Variants in KSR1 observed in about 807,000 individuals in gnomAD.
KSR1 encodes the protein kinase suppressor of ras.
In KSR1, 35 loss-of-function variants were observed where a neutral mutation model predicts 92.9. The observed-to-expected ratio is 0.38, with a 90% CI of 0.29 to 0.50. KSR1 has a LOEUF of 0.50. KSR1 is among the 20% of genes least tolerant of loss of function. The pLI is 0.94. For missense variants in KSR1, 972 were observed against 1,158.5 expected, an observed-to-expected ratio of 0.84 and a Z score of 2.34; for synonymous variants, 467 against 472.6, an observed-to-expected ratio of 0.99 and a Z score of 0.15.
chr17:27,622,881 C>T (rs1463804762), intron 20 of KSR1: 2 of 187,052 alleles, frequency 1.1e-5, no homozygotes, highest in Non-Finnish European at 2.2e-5. Flanking sequence ...TGCATTTCAA[C>T]CTGCTTCCCA....
chr17:27,527,954 C>T lies in KSR1; in HGVS notation c.232-22614C>T, dbSNP rs376685339. 2.6e-5 allele frequency among the ~76,000 whole-genome samples: 4 copies of T among 152,314 alleles called. No homozygotes were observed. The East Asian group carries it at 5.8e-4, about 22-fold the overall frequency. ...GATTATGTGTCTCATAAATGAACAT[C>T]CCTACCTCTTGTGGGTCATCCAGGA... On this transcript the variant is annotated intron_variant, in intron 1 of 20. Transcript: ENST00000644974.
At chr17:27,620,464 A>G (rs2074193296) in intron 19 of KSR1, among the ~76,000 whole-genome samples, 1 of 152,234 alleles carries the variant, frequency 6.6e-6, no homozygotes, top group Non-Finnish European at 1.5e-5. Flanking sequence ...GTACAGTCCC[A>G]GGAACATTAT....
At chr17:27,467,649 G>A (rs2019764264) in intron 1 of KSR1, among the ~76,000 whole-genome samples, 1 of 152,156 alleles carries the variant, frequency 6.6e-6, no homozygotes, top group Admixed American at 6.5e-5. Context: ...GGTCCGTGGT[G>A]GGTCCATCTG....
intron 1 of KSR1, among the ~76,000 whole-genome samples, chr17:27,492,150 T>G (rs1376136877): frequency 6.6e-6 from 1 of 152,044 alleles, no homozygotes; most frequent in East Asian, 1.9e-4. Flanking sequence ...GAGGAGAGTG[T>G]GTGTAGCAGA....
At chr17:27,621,553 T>C (rs1183019761) in intron 20 of KSR1, among the ~76,000 whole-genome samples, 1 of 152,154 alleles carries the variant, frequency 6.6e-6, no homozygotes, top group Non-Finnish European at 1.5e-5. Context: ...ATTCTGGTCA[T>C]TGATTTGAGC....
At chr17:27,497,783 T>C (rs1480290696) in intron 1 of KSR1, among the ~76,000 whole-genome samples, 1 of 152,194 alleles carries the variant, frequency 6.6e-6, no homozygotes, top group African/African-American at 2.4e-5. Flanking sequence ...TGAGAAACCC[T>C]GTTTGGCTGC....
intron 4 of KSR1, chr17:27,584,025 C>A: frequency 1.0e-6 from 1 of 966,980 alleles, no homozygotes; most frequent in Non-Finnish European, 1.2e-6. Flanking sequence ...TTTATCTTGT[C>A]CCTTCTTGAT....
intron 1 of KSR1, among the ~76,000 whole-genome samples, chr17:27,467,828 T>G (rs958471325): frequency 1.3e-5 from 2 of 151,574 alleles, no homozygotes; most frequent in African/African-American, 4.8e-5. Context: ...TTTTTTTTTT[T>G]GAGACGGAGT....
intron 1 of KSR1, among the ~76,000 whole-genome samples, chr17:27,489,932 G>A (rs1225236166): frequency 6.6e-6 from 1 of 152,238 alleles, no homozygotes; most frequent in Non-Finnish European, 1.5e-5. Flanking sequence ...AGAAAGGGCT[G>A]ACCCAGAAGC....
intron 1 of KSR1, among the ~76,000 whole-genome samples, chr17:27,523,247 A>T (rs1233300745): frequency 6.6e-6 from 1 of 152,252 alleles, no homozygotes; most frequent in Non-Finnish European, 1.5e-5. Flanking sequence ...GAAATATATC[A>T]ATAAATGACG....
chr17:27,616,545 C>T (rs1004052496), intron 18 of KSR1, among the ~76,000 whole-genome samples: 7 of 152,232 alleles, frequency 4.6e-5, no homozygotes, highest in African/African-American at 1.7e-4. Context: ...GTATCTTGAT[C>T]TGCTTATCTT....
At chr17:27,597,154 G>A (rs921158921) in intron 9 of KSR1, 114 bp from the exon 10 acceptor site, 4 of 1,186,542 alleles carry the variant, frequency 3.4e-6, no homozygotes, top group Non-Finnish European at 3.6e-6. Context: ...GTCAGACCCT[G>A]AGGATTCCCT....
At chr17:27,558,962 CG>C (rs1401498234) in intron 2 of KSR1, among the ~76,000 whole-genome samples, 1 of 152,106 alleles carries the variant, frequency 6.6e-6, no homozygotes, top group Admixed American at 6.5e-5. Flanking sequence ...GGAAAACATA[CG>C]TGGATCGTTT....
At chr17:27,526,559 G>T in intron 1 of KSR1, 1 of 1,599,854 alleles carries the variant, frequency 6.3e-7, no homozygotes, top group South Asian at 1.1e-5. Context: ...TGGCCACAAT[G>T]CACCTCATTC....
rs548558177 is a variant in KSR1 at position 27,520,876 on chromosome 17, G to A, written c.232-29692G>A. Among the ~76,000 whole-genome samples the A allele has an allele frequency of 6.6e-5, 10 of 152,360 alleles. No homozygotes were observed. The South Asian group carries it at 2.1e-3, about 32-fold the overall frequency. ...CAGGTAGCTGGAGGATGCGGGAGAC[G>A]TGTGATTCCCTGTTTGCCAGTTGGC... On this transcript the variant is annotated intron_variant, in intron 1 of 20. Coordinates refer to ENST00000644974, the MANE Select transcript of KSR1 (RefSeq NM_001394583.1).
intron 1 of KSR1, among the ~76,000 whole-genome samples, chr17:27,513,427 TA>T (rs538338466): frequency 0.015 from 2,138 of 146,834 alleles, 43 homozygotes; most frequent in African/African-American, 0.048. Flanking sequence ...TCCTTCTCTA[TA>T]AAAAAAAAAA....
At chr17:27,584,746 A>G (rs1411048262) in intron 4 of KSR1, among the ~76,000 whole-genome samples, 2 of 152,200 alleles carry the variant, frequency 1.3e-5, no homozygotes, top group Admixed American at 6.5e-5. Flanking sequence ...CGTGACGCTC[A>G]GGCCACCTCG....
chr17:27,594,424 G>A (rs1277142059), intron 9 of KSR1, among the ~76,000 whole-genome samples: 1 of 151,886 alleles, frequency 6.6e-6, no homozygotes, highest in African/African-American at 2.4e-5. Flanking sequence ...TGTGGGTCCT[G>A]CACGACCACC....
rs1440593532 is a variant in KSR1 at position 27,577,888 on chromosome 17, TGCTGG to T, written c.520+260_520+264del. On this transcript the variant is annotated intron_variant, in intron 3 of 20. Coordinates refer to ENST00000644974, the MANE Select transcript of KSR1 (RefSeq NM_001394583.1). This position sits in a 1 kb window ranked among gnomAD's most constrained non-coding sequence, Gnocchi z 4.5. ...CATGGTTAGAAATCCCAGGCCTGTC[TGCTGG>T]GCTGGGCTGGCCTGGCATGGTTTCC... 2.2e-5 allele frequency: 14 copies of T among 637,180 alleles called. No homozygotes were observed. The highest frequency in any genetic ancestry group is 3.4e-5 in the Non-Finnish European group (12 of 351,112). 39.5% of individuals were successfully genotyped at this position (637,180 alleles called of 1,614,324 possible).
Sources: gnomAD v4.1 joint callset for allele counts (sites outside exome capture counted in the v4.1 genomes callset) on GRCh38, gnomAD v4.1.1 for gene constraint, Gnocchi (gnomAD v3.1) non-coding constraint, MANE v1.5 for transcripts, NCBI Gene and HGNC (gene_info 2026-07-23, HGNC 2026-07-21) for gene names.